Variants in KTN1 observed in about 807,000 individuals in gnomAD.
The protein encoded by KTN1 is kinectin 1.
Under a neutral mutation model 222.5 loss-of-function variants are expected in KTN1, and 130 were observed. The ratio of observed to expected loss-of-function variants is 0.58; its 90% CI spans 0.51 to 0.68. The LOEUF is 0.68. Ranked by LOEUF, KTN1 falls within the 30% of genes least tolerant of loss-of-function variation. The pLI is 0.00. For synonymous variants in KTN1, 512 were observed against 496.3 expected, an observed-to-expected ratio of 1.03 and a Z score of -0.42; for missense variants, 1,508 against 1,500.4, an observed-to-expected ratio of 1.01 and a Z score of -0.08.
At chr14:55,606,981 C>T (rs1475443327) in intron 1 of KTN1, among the ~76,000 whole-genome samples, 1 of 152,170 alleles carries the variant, frequency 6.6e-6, no homozygotes, top group African/African-American at 2.4e-5. Flanking sequence ...ATGTCCCACA[C>T]TGAAACAGTT....
intron 34 of KTN1, 135 bp downstream of exon 34, chr14:55,667,465 T>G: frequency 2.1e-6 from 1 of 483,994 alleles, no homozygotes; most frequent in South Asian, 4.0e-5. Flanking sequence ...AGCTGGTGCT[T>G]TTCAGTAAAG....
intron 2 of KTN1, among the ~76,000 whole-genome samples, chr14:55,616,267 A>AT (rs1282578825): frequency 3.9e-5 from 6 of 152,044 alleles, no homozygotes; most frequent in Non-Finnish European, 8.8e-5. Context: ...TTTTAAGATG[A>AT]TAGAGACTTG....
At chr14:55,596,517 A>G (rs1488995290) in intron 1 of KTN1, among the ~76,000 whole-genome samples, 4 of 152,188 alleles carry the variant, frequency 2.6e-5, no homozygotes, top group South Asian at 4.1e-4. Context: ...ACTTGTGGCT[A>G]TATTTTAGGT....
intron 37 of KTN1, 154 bp downstream of exon 37, chr14:55,672,031 C>G (rs2045498272): frequency 8.4e-6 from 5 of 596,856 alleles, no homozygotes; most frequent in Non-Finnish European, 1.5e-5. Context: ...TTTCATGAGC[C>G]CTCCAGAATA....
intron 40 of KTN1, chr14:55,675,135 A>G (rs2045783415): frequency 6.6e-6 from 1 of 152,190 alleles, no homozygotes; most frequent in Admixed American, 6.5e-5. Context: ...GGGAAGCAAA[A>G]ACAATTACCT....
intron 12 of KTN1, among the ~76,000 whole-genome samples, chr14:55,638,868 AAC>A (rs1403616288): frequency 3.3e-5 from 5 of 151,878 alleles, no homozygotes; most frequent in Admixed American, 2.0e-4. Context: ...AAGGAGAAGA[AAC>A]ACAGGATGAC....
chr14:55,593,321 TAAAA>T (rs954272537), intron 1 of KTN1, among the ~76,000 whole-genome samples: 3 of 151,882 alleles, frequency 2.0e-5, no homozygotes, highest in Non-Finnish European at 2.9e-5. Flanking sequence ...TGTTTTGGAT[TAAAA>T]AAACTGGTTT....
chr14:55,584,961 C>A (rs1408436057), intron 1 of KTN1, among the ~76,000 whole-genome samples: 1 of 151,794 alleles, frequency 6.6e-6, no homozygotes, highest in Non-Finnish European at 1.5e-5. Context: ...GGCAAAACCC[C>A]ATCTTTAAAA....
chr14:55,593,526 G>C (rs2034517969), intron 1 of KTN1, among the ~76,000 whole-genome samples: 1 of 148,326 alleles, frequency 6.7e-6, no homozygotes, highest in Non-Finnish European at 1.5e-5. Flanking sequence ...GCTAGGACTA[G>C]CTGCTTGGTT....
At chr14:55,602,079 G>A (rs1394353565) in intron 1 of KTN1, among the ~76,000 whole-genome samples, 1 of 152,088 alleles carries the variant, frequency 6.6e-6, no homozygotes, top group Non-Finnish European at 1.5e-5. Context: ...ACTTTATTTG[G>A]ATGTTTTTAG....
chr14:55,636,513 C>T lies in KTN1; in HGVS notation c.1526C>T (p.Ala509Val), dbSNP rs536084203. Residue 509 changes from alanine (A) to valine (V), a missense_variant, in exon 10 of 44, where the codon GCG becomes GTG. Ala to Val is a moderately conservative substitution (Grantham distance 64). Coordinates refer to ENST00000395314, the MANE Select transcript of KTN1 (RefSeq NM_001079521.2). ...EVQSYIRKRT[A>V]EHEAAQQDLQ... ...CAGAGCTACATCAGGAAGAGAACAG[C>T]GGAACATGAGGCAGCACAGCAAGGT... is the stretch of plus-strand genomic sequence containing the variant. The T allele has an allele frequency of 1.6e-5, 25 of 1,609,646 alleles. No individual in the cohort carries two copies. The highest frequency in any genetic ancestry group is 8.9e-5 in the East Asian group (4 of 44,768).
chr14:55,589,213 A>C (rs1308262758), intron 1 of KTN1, among the ~76,000 whole-genome samples: 1 of 152,238 alleles, frequency 6.6e-6, no homozygotes, highest in Non-Finnish European at 1.5e-5. Context: ...ATTGGTAGTT[A>C]TATTTCATAT....
chr14:55,667,297 A>C lies in KTN1; in HGVS notation c.3234A>C (p.Lys1078Asn). Reference sequence around the variant, plus strand: ...TGGAGGCTAAAGAAGTTCTCAAAAAATTATTTCCAAAGGTGTCTGTCCCTT... The same window carrying C: ...TGGAGGCTAAAGAAGTTCTCAAAAACTTATTTCCAAAGGTGTCTGTCCCTT... Reference protein sequence around the residue: ...VELEAKEVLKKLFPKVSVPSN... With the variant: ...VELEAKEVLKNLFPKVSVPSN... The change falls in exon 34 of 44, where the codon AAA (lysine) becomes AAC (asparagine). Residue 1078 changes from lysine (K) to asparagine (N), a missense_variant. Transcript: ENST00000395314. 2 of 1,606,194 alleles carry C rather than the reference A, an allele frequency of 1.2e-6. No individual in the cohort carries two copies. Among genetic ancestry groups the C allele is most frequent in the Middle Eastern group, 1.7e-4 (1 of 6,030 alleles).
intron 1 of KTN1, among the ~76,000 whole-genome samples, chr14:55,608,945 A>G (rs1009166026): frequency 5.3e-5 from 8 of 151,588 alleles, no homozygotes; most frequent in African/African-American, 1.2e-4. Flanking sequence ...ACATCTTTCT[A>G]TATGTTTTTT....
At chr14:55,627,013 C>A (rs1361907517) in intron 5 of KTN1, among the ~76,000 whole-genome samples, 1 of 152,132 alleles carries the variant, frequency 6.6e-6, no homozygotes, top group Non-Finnish European at 1.5e-5. Flanking sequence ...AACTACACAT[C>A]TATGGCACCT....
intron 2 of KTN1, among the ~76,000 whole-genome samples, chr14:55,613,858 A>C (rs181907982): frequency 6.6e-6 from 1 of 152,308 alleles, no homozygotes; most frequent in East Asian, 1.9e-4. Context: ...AGGACACGTA[A>C]GCCAGTAAAA....
chr14:55,680,935 TC>T (rs1341992231), intron 43 of KTN1: 4 of 359,476 alleles, frequency 1.1e-5, no homozygotes, highest in Non-Finnish European at 2.2e-5. Context: ...TAGGGAAACT[TC>T]CATCGCTTCT....
At chr14:55,663,693 T>C (rs2044391087) in intron 32 of KTN1, 1 of 321,116 alleles carries the variant, frequency 3.1e-6, no homozygotes, top group Admixed American at 4.7e-5. Context: ...AATGCTTTCT[T>C]CTTTGTCACA....
At chr14:55,595,542 A>T (rs1487097831) in intron 1 of KTN1, among the ~76,000 whole-genome samples, 1 of 152,230 alleles carries the variant, frequency 6.6e-6, no homozygotes, top group Non-Finnish European at 1.5e-5. Context: ...CATATTCAAC[A>T]CATTTGTAAA....
Sources: gnomAD v4.1 joint callset for allele counts (sites outside exome capture counted in the v4.1 genomes callset) on GRCh38, gnomAD v4.1.1 for gene constraint, MANE v1.5 for transcripts, NCBI Gene and HGNC (gene_info 2026-07-23, HGNC 2026-07-21) for gene names.